Variants in ICAM5 observed in about 807,000 individuals in gnomAD.
The protein encoded by ICAM5 is ICAM-5.
ICAM5 carries 38 observed loss-of-function variants against 78.8 expected under a neutral mutation model. The observed-to-expected ratio is 0.48, with a 90% CI of 0.37 to 0.63. ICAM5 has a LOEUF of 0.63. ICAM5 is among the 30% of genes least tolerant of loss of function. The pLI is 0.00. For missense variants in ICAM5, 1,059 were observed against 1,303.0 expected, an observed-to-expected ratio of 0.81 and a Z score of 2.88; for synonymous variants, 544 against 590.9, an observed-to-expected ratio of 0.92 and a Z score of 1.15.
chr19:10,296,599 C>T lies in ICAM5; in HGVS notation c.2758C>T (p.Gln920Ter). The change falls in exon 11 of 11, where the codon CAG becomes TAG. Residue 920 changes from glutamine to a stop codon, truncating the protein, a stop_gained. Coordinates refer to ENST00000221980, the MANE Select transcript of ICAM5 (RefSeq NM_003259.4). LOFTEE classifies it high-confidence loss of function. Reference sequence around the variant, plus strand: ...GGCGGAGGGCGAGGTCTTCGCCATACAGCTGACATCGGCGTGAGCCCGCTC... The same window carrying T: ...GGCGGAGGGCGAGGTCTTCGCCATATAGCTGACATCGGCGTGAGCCCGCTC... The part of the protein sequence containing the change: ...SPAEGEVFAI[Q>*]LTSA 1 of 1,214,044 alleles carries T rather than the reference C, an allele frequency of 8.2e-7. No homozygotes were observed. The highest frequency in any genetic ancestry group is 1.0e-6 in the Non-Finnish European group (1 of 971,064). The allele number at this position is 1,214,044 out of a possible 1,614,324, so 75.2% of individuals were successfully genotyped here.
chr19:10,292,156 A>G lies in ICAM5; in HGVS notation c.795A>G (p.Ala265=). 6.2e-7 allele frequency: 1 copy of G among 1,613,368 alleles called. No individual in the cohort carries two copies. Among genetic ancestry groups the G allele is most frequent in the African/African-American group, 1.3e-5 (1 of 75,054 alleles). ...FPASEARVYL[A]LGDQNLSPDV... is the part of the protein sequence containing the mutation. ...CCTCAGAGGCCAGGGTCTACCTCGCACTGGGGGACCAGAATCTGAGTCCTG... is the reference window on the plus strand; with the variant it reads ...CCTCAGAGGCCAGGGTCTACCTCGCGCTGGGGGACCAGAATCTGAGTCCTG... Residue 265 remains alanine (A), a synonymous_variant, in exon 4 of 11, where the codon GCA becomes GCG. Coordinates refer to ENST00000221980, the MANE Select transcript of ICAM5 (RefSeq NM_003259.4).
Position 10,292,731 on chromosome 19 carries a change from G to A in ICAM5, c.1081G>A (p.Val361Ile). The A allele has an allele frequency of 6.2e-7, 1 of 1,613,370 alleles. No individual in the cohort carries two copies. The highest frequency in any genetic ancestry group is 1.1e-5 in the South Asian group (1 of 91,060). The change falls in exon 5 of 11, where the codon GTC becomes ATC. Residue 361 changes from valine (V) to isoleucine (I), a missense_variant. By Grantham distance (29) the Val-to-Ile change is conservative. Transcript: ENST00000221980. ...CACACTGGAGGGAGTTCCAGCCGCGGTCCCGGGGCAGCCCGCCCAGCTTCA... is the reference window on the plus strand; with the variant it reads ...CACACTGGAGGGAGTTCCAGCCGCGATCCCGGGGCAGCCCGCCCAGCTTCA... ...LVTLEGVPAA[V>I]PGQPAQLQLN... is the part of the protein sequence containing the mutation.
Position 10,294,361 on chromosome 19 carries a change from G to A in ICAM5, c.1991-40G>A. 6.2e-7 allele frequency: 1 copy of A among 1,612,736 alleles called. No homozygotes were observed. The highest frequency in any genetic ancestry group is 8.5e-7 in the Non-Finnish European group (1 of 1,179,556). The stretch of plus-strand genomic sequence containing the variant: ...GGGTAGGGAGCAGGGGTGCCCCACG[G>A]TCCAGGCACTCCCTGACATCCCCCA... On this transcript the variant is annotated intron_variant, in intron 8 of 10. Coordinates refer to ENST00000221980, the MANE Select transcript of ICAM5 (RefSeq NM_003259.4). This position sits in a 1 kb window ranked among gnomAD's most constrained non-coding sequence, Gnocchi z 7.7.
In ICAM5 at chr19:10,291,626, C is replaced by G. The variant is rs777484334; in HGVS notation, c.490C>G (p.Leu164Val). The G allele has an allele frequency of 6.2e-7, 1 of 1,611,534 alleles. No individual in the cohort carries two copies. The highest frequency in any genetic ancestry group is 1.3e-5 in the African/African-American group (1 of 74,920). ...GACCCTGCTGCGGGGCGCCCAGGAG[C>G]TGATCCGCCGCAGCTTCGCCGGTGA... Reference protein sequence around the residue: ...TLTLLRGAQELIRRSFAGEPP... With the variant: ...TLTLLRGAQEVIRRSFAGEPP... Residue 164 changes from leucine to valine, a missense_variant, in exon 3 of 11, where the codon CTG (leucine) becomes GTG (valine). Physicochemically the swap from Leu to Val is conservative, Grantham distance 32. Transcript: ENST00000221980.
rs2040183319 is a variant in ICAM5 at position 10,292,604 on chromosome 19, G to A, written c.962-8G>A. 2 of 1,548,908 alleles carry A rather than the reference G, an allele frequency of 1.3e-6. No homozygotes were observed. Among genetic ancestry groups the A allele is most frequent in the Non-Finnish European group, 1.7e-6 (2 of 1,149,014 alleles). ...TCAGTATACTACGACCAAATGCTCC[G>A]CCCCCAGGCTTCCCGGCACCACTCC... On this transcript the variant is annotated splice_polypyrimidine_tract_variant and splice_region_variant and intron_variant, in intron 4 of 10. Transcript: ENST00000221980.
In ICAM5 at chr19:10,295,593, C is replaced by T; in HGVS notation, c.2478C>T (p.Arg826=). The T allele has an allele frequency of 6.5e-7, 1 of 1,542,594 alleles. No homozygotes were observed. The highest frequency in any genetic ancestry group is 1.7e-4 in the Middle Eastern group (1 of 5,988). ...ACGCGCACGGGCGCCACGCGCGGCG[C>T]ATCACGGTGCGCGTGGCCGGTAAGT... ...ATNAHGRHAR[R]ITVRVAGPWL... Residue 826 remains arginine (R), a synonymous_variant, in exon 10 of 11, where the codon CGC becomes CGT. Transcript: ENST00000221980.
chr19:10,293,917 C>T lies in ICAM5; in HGVS notation c.1685C>T (p.Ala562Val), dbSNP rs751538371. The T allele has an allele frequency of 3.1e-6, 5 of 1,611,860 alleles. No homozygotes were observed. The highest frequency in any genetic ancestry group is 4.2e-6 in the Non-Finnish European group (5 of 1,179,852). The change falls in exon 7 of 11, where the codon GCC becomes GTC. Residue 562 changes from alanine to valine, a missense_variant. Transcript: ENST00000221980. This position sits in a 1 kb window ranked among gnomAD's most constrained non-coding sequence, Gnocchi z 5.0. ...CEATNPRGSA[A>V]KNVAVTVEYG... ...GCCACCAACCCTCGGGGCTCTGCGG[C>T]CAAAAATGTGGCCGTCACGGTGGAA...
chr19:10,295,850 G>C (rs1412361990), intron 10 of ICAM5, among the ~76,000 whole-genome samples: 1 of 152,216 alleles, frequency 6.6e-6, no homozygotes, highest in Non-Finnish European at 1.5e-5. Flanking sequence ...GGCTGTCACT[G>C]CTGCAGGAAA....
intron 5 of ICAM5, 23 bp downstream of exon 5, chr19:10,292,889 C>G (rs1414723141): frequency 1.2e-6 from 2 of 1,606,742 alleles, no homozygotes; most frequent in Non-Finnish European, 8.5e-7. Context: ...TAACCCCTCG[C>G]CCCCCACCTT....
Position 10,290,148 on chromosome 19 carries a change from G to C in ICAM5, c.82+23G>C, listed in dbSNP as rs1414470001. ...CAGGTAAGAGCCCCGCTCTGGTTCG[G>C]GGTGGACAGGGCGGGGGCGGAGTCC... On this transcript the variant is annotated intron_variant, in intron 1 of 10. Coordinates refer to ENST00000221980, the MANE Select transcript of ICAM5 (RefSeq NM_003259.4). The surrounding 1 kb of genome is among the most constrained non-coding windows in gnomAD (Gnocchi z 5.7). The C allele has an allele frequency of 2.7e-6, 4 of 1,484,490 alleles. No homozygotes were observed. Among genetic ancestry groups the C allele is most frequent in the Non-Finnish European group, 3.6e-6 (4 of 1,110,810 alleles). The allele number at this position is 1,484,490 out of a possible 1,614,324, so 92.0% of individuals were successfully genotyped here.
rs769964078 is a variant in ICAM5, at chr19:10,294,001, C to T, written c.1712-39C>T. 2 of 1,593,106 alleles carry T rather than the reference C, an allele frequency of 1.3e-6. No homozygotes were observed. Among genetic ancestry groups the T allele is most frequent in the Admixed American group, 1.7e-5 (1 of 58,924 alleles). ...CTGTGGGACAACCCCGGCTGGACTT[C>T]CTGGCCCCCGTGTGAGCCCCTGCAA... On this transcript the variant is annotated intron_variant, in intron 7 of 10. Coordinates refer to ENST00000221980, the MANE Select transcript of ICAM5 (RefSeq NM_003259.4). This position sits in a 1 kb window ranked among gnomAD's most constrained non-coding sequence, Gnocchi z 7.7.
In ICAM5 at chr19:10,296,502, GGGC is replaced by G; in HGVS notation, c.2669_2671del (p.Gly890del). 8.1e-7 allele frequency: 1 copy of G among 1,231,560 alleles called. No individual in the cohort carries two copies. The highest frequency in any genetic ancestry group is 1.0e-6 in the Non-Finnish European group (1 of 970,908). The allele number at this position is 1,231,560 out of a possible 1,614,324, so 76.3% of individuals were successfully genotyped here. On this transcript the variant is annotated inframe_deletion, in exon 11 of 11. Coordinates refer to ENST00000221980, the MANE Select transcript of ICAM5 (RefSeq NM_003259.4). ...GCGAGGCCGTGTGTCTGAACGGAGCGGGCGGCGGCGCTGGCGGGGCGGCAGGCG... is the reference window on the plus strand; with the variant it reads ...GCGAGGCCGTGTGTCTGAACGGAGCGGGCGGCGCTGGCGGGGCGGCAGGCG...
At position 10,290,224 on chromosome 19, in the gene ICAM5, C is replaced by T. The variant is rs1186941993; in HGVS notation, c.82+99C>T. The T allele has an allele frequency of 1.2e-6, 1 of 853,020 alleles. No homozygotes were observed. Among genetic ancestry groups the T allele is most frequent in the African/African-American group, 1.8e-5 (1 of 56,056 alleles). 52.8% of individuals were successfully genotyped at this position (853,020 alleles called of 1,614,324 possible). A position where few individuals can be genotyped will look rare whatever the true frequency, so the allele number is the denominator to read the frequency against. ...CCCTCCCAGCTCTGCCCTCGCCTCG[C>T]TCCCACGCCTCTGCCCCCACCTCGA... On this transcript the variant is annotated intron_variant, in intron 1 of 10. Coordinates refer to ENST00000221980, the MANE Select transcript of ICAM5 (RefSeq NM_003259.4). This position sits in a 1 kb window ranked among gnomAD's most constrained non-coding sequence, Gnocchi z 5.7.
intron 4 of ICAM5, 113 bp downstream of exon 4, chr19:10,292,435 G>A: frequency 1.5e-6 from 2 of 1,362,752 alleles, no homozygotes; most frequent in Non-Finnish European, 2.0e-6. Flanking sequence ...CCGAGGGGCG[G>A]GGCAGGTGGG....
chr19:10,296,753 C>T lies in ICAM5; in HGVS notation c.*137C>T. 1 of 740,288 alleles carries T rather than the reference C, an allele frequency of 1.4e-6. No homozygotes were observed. The highest frequency in any genetic ancestry group is 6.6e-5 in the South Asian group (1 of 15,078). The allele number at this position is 740,288 out of a possible 1,614,324, so 45.9% of individuals were successfully genotyped here. ...GCGTCACCCCCATTTTCTACCCATC[C>T]CCTCAATAAAGTTTTTATAAAGGAA... is the stretch of plus-strand genomic sequence containing the variant. On this transcript the variant is annotated 3_prime_UTR_variant, in exon 11 of 11. Coordinates refer to ENST00000221980, the MANE Select transcript of ICAM5 (RefSeq NM_003259.4).
rs2040178079 is a variant in ICAM5, at chr19:10,292,110, C to G, written c.749C>G (p.Thr250Ser). 6.2e-7 allele frequency: 1 copy of G among 1,613,312 alleles called. No individual in the cohort carries two copies. Among genetic ancestry groups the G allele is most frequent in the Non-Finnish European group, 8.5e-7 (1 of 1,180,048 alleles). Reference sequence around the variant, plus strand: ...GGCTCGGAAAGGCCCGTGAGCTGCACTCTGGACGGACTGTTTCCAGCCTCA... The same window carrying G: ...GGCTCGGAAAGGCCCGTGAGCTGCAGTCTGGACGGACTGTTTCCAGCCTCA... ...EVGSERPVSC[T>S]LDGLFPASEA... is the part of the protein sequence containing the mutation. The change falls in exon 4 of 11, where the codon ACT (threonine) becomes AGT (serine). Residue 250 changes from threonine to serine, a missense_variant. Thr to Ser is a moderately conservative substitution (Grantham distance 58, BLOSUM62 1). Transcript: ENST00000221980.
chr19:10,292,202 G>T lies in ICAM5; in HGVS notation c.841G>T (p.Ala281Ser). 1.2e-6 allele frequency: 2 copies of T among 1,613,218 alleles called. No homozygotes were observed. Among genetic ancestry groups the T allele is most frequent in the East Asian group, 2.2e-5 (1 of 44,888 alleles). Residue 281 changes from alanine (A) to serine (S), a missense_variant, in exon 4 of 11, where the codon GCA (alanine) becomes TCA (serine). Ala to Ser is a moderately conservative substitution (Grantham distance 99). Around this residue, in one of 3 missense-constraint regions of ICAM5, gnomAD observed 815 missense variants for 952.8 expected, o/e 0.86. Coordinates refer to ENST00000221980, the MANE Select transcript of ICAM5 (RefSeq NM_003259.4). ...LSPDVTLEGD[A>S]FVATATATAS... ...TCCTGATGTCACCCTCGAAGGGGAC[G>T]CATTCGTGGCCACTGCCACAGCCAC...
At position 10,291,224 on chromosome 19, in the gene ICAM5, G is replaced by A; in HGVS notation, c.235G>A (p.Gly79Ser). 6.2e-7 allele frequency: 1 copy of A among 1,612,518 alleles called. No individual in the cohort carries two copies. Among genetic ancestry groups the A allele is most frequent in the Non-Finnish European group, 8.5e-7 (1 of 1,179,934 alleles). The change falls in exon 2 of 11, where the codon GGT (glycine) becomes AGT (serine). Residue 79 changes from glycine to serine, a missense_variant. Gly to Ser is a moderately conservative substitution (Grantham distance 56). Coordinates refer to ENST00000221980, the MANE Select transcript of ICAM5 (RefSeq NM_003259.4). The stretch of plus-strand genomic sequence containing the variant: ...GCTGCGCCGAAACGGGACCCAGAGG[G>A]GTTTGCGTTGGTTGGCGCGGCAGCT... ...TSLRRNGTQRGLRWLARQLVD... is the reference protein window; with the variant it reads ...TSLRRNGTQRSLRWLARQLVD...
Position 10,291,272 on chromosome 19 carries a change from A to C in ICAM5, c.283A>C (p.Thr95Pro), listed in dbSNP as rs1387338806. 1 of 1,612,580 alleles carries C rather than the reference A, an allele frequency of 6.2e-7. No individual in the cohort carries two copies. The highest frequency in any genetic ancestry group is 8.5e-7 in the Non-Finnish European group (1 of 1,179,920). The change falls in exon 2 of 11, where the codon ACT becomes CCT. Residue 95 changes from threonine to proline, a missense_variant. Around this residue, in one of 3 missense-constraint regions of ICAM5, gnomAD observed 815 missense variants for 952.8 expected, o/e 0.86. Coordinates refer to ENST00000221980, the MANE Select transcript of ICAM5 (RefSeq NM_003259.4). ...GCTGGTGGACATTCGCGAGCCGGAGACTCAGCCCGTCTGCTTCTTCCGCTG... is the reference window on the plus strand; with the variant it reads ...GCTGGTGGACATTCGCGAGCCGGAGCCTCAGCCCGTCTGCTTCTTCCGCTG... ...RQLVDIREPE[T>P]QPVCFFRCAR...
Sources: allele counts gnomAD v4.1 joint callset (sites outside exome capture counted in the v4.1 genomes callset), GRCh38; gene constraint gnomAD v4.1.1; regional missense constraint gnomAD v4.1.1; non-coding constraint Gnocchi (gnomAD v3.1); transcripts MANE v1.5; gene names NCBI Gene and HGNC (gene_info 2026-07-23, HGNC 2026-07-21).